DCAF8: variants seen among roughly 807,000 people sequenced by gnomAD.
DCAF8 encodes the protein DDB1 and CUL4 associated factor 8.
A neutral mutation model predicts 68.0 loss-of-function variants in DCAF8; 20 were observed. The ratio of observed to expected loss-of-function variants is 0.29; its 90% CI spans 0.21 to 0.43. DCAF8 has a LOEUF of 0.43. Ranked by LOEUF, DCAF8 falls within the 20% of genes least tolerant of loss-of-function variation. The pLI, the probability that DCAF8 is intolerant of heterozygous loss-of-function variation, is 1.00. For synonymous variants in DCAF8, 230 were observed against 276.9 expected (o/e 0.83, Z 1.68); for missense variants, 460 against 771.0 (o/e 0.60, Z 4.78).
intron 11 of DCAF8, chr1:160,219,764 A>G (rs1436644155): frequency 6.8e-6 from 1 of 147,488 alleles, no homozygotes. Flanking sequence ...AAGGCACCCA[A>G]TGCCCCCTGC....
intron 3 of DCAF8, among the ~76,000 whole-genome samples, chr1:160,242,465 T>C (rs1049541009): frequency 1.3e-5 from 2 of 152,126 alleles, no homozygotes; most frequent in Non-Finnish European, 2.9e-5. Flanking sequence ...CTAACAGGTC[T>C]GTAGAAAAGA....
rs1655457873 is a variant in DCAF8 at position 160,225,934 on chromosome 1, CA to C, written c.1071-272del. 2.6e-5 allele frequency among the ~76,000 whole-genome samples: 4 copies of C among 152,296 alleles called. No homozygotes were observed. The South Asian group carries it at 8.3e-4, about 32-fold the overall frequency. On this transcript the variant is annotated intron_variant, in intron 7 of 13. Transcript: ENST00000368074. ...CCCCGGCTCACTGCAACCTCCGCCT[CA>C]TGGGTTCAAGCAATTCTCTTGCCTC...
At chr1:160,255,969 T>C (rs1311994837) in intron 2 of DCAF8, among the ~76,000 whole-genome samples, 1 of 150,236 alleles carries the variant, frequency 6.7e-6, no homozygotes, top group Non-Finnish European at 1.5e-5. Flanking sequence ...AGGAATGCAC[T>C]CTAACCCTTA....
At chr1:160,235,471 A>C (rs1393851750) in intron 6 of DCAF8, among the ~76,000 whole-genome samples, 2 of 151,960 alleles carry the variant, frequency 1.3e-5, no homozygotes, top group African/African-American at 4.9e-5. Flanking sequence ...CGATCTAGAT[A>C]TCTATCAATA....
At chr1:160,250,706 G>A (rs1024253901) in intron 2 of DCAF8, among the ~76,000 whole-genome samples, 1 of 152,064 alleles carries the variant, frequency 6.6e-6, no homozygotes, top group African/African-American at 2.4e-5. Flanking sequence ...ATTTATCAGC[G>A]ACCATATTAA....
Position 160,225,074 on chromosome 1 carries a change from G to A in DCAF8, c.1189C>T (p.His397Tyr). 6.2e-7 allele frequency: 1 copy of A among 1,614,186 alleles called. No individual in the cohort carries two copies. The highest frequency in any genetic ancestry group is 1.1e-5 in the South Asian group (1 of 91,086). The change falls in exon 9 of 14, where the codon CAC (histidine) becomes TAC (tyrosine). Residue 397 changes from histidine (H) to tyrosine (Y), a missense_variant. Physicochemically the swap from His to Tyr is moderately conservative, Grantham distance 83. This residue lies in a region of DCAF8 where 4 missense variants were observed against 26.6 expected (regional missense o/e 0.15). Transcript: ENST00000368074. The stretch of plus-strand genomic sequence containing the variant: ...CCTGCTCACGTACCTGTGCCGTCGT[G>A]GCTGTACACAAGACAGGTGATGTTT... ...KANITCLVYS[H>Y]DGTELLASYN... is the part of the protein sequence containing the mutation.
intron 12 of DCAF8, 151 bp downstream of exon 12, chr1:160,218,698 T>C (rs567049153): frequency 2.5e-6 from 3 of 1,222,666 alleles, no homozygotes; most frequent in East Asian, 2.4e-5. Flanking sequence ...AGCAGGACTA[T>C]TCCTACAGAG....
intron 2 of DCAF8, among the ~76,000 whole-genome samples, chr1:160,255,502 G>A (rs1397896687): frequency 1.3e-5 from 2 of 152,198 alleles, no homozygotes; most frequent in African/African-American, 2.4e-5. Flanking sequence ...CATGGATAAT[G>A]ATGAGGATTC....
Position 160,244,168 on chromosome 1 carries a change from G to A in DCAF8, c.-26-134C>T. 3 of 641,546 alleles carry A rather than the reference G, an allele frequency of 4.7e-6. No individual in the cohort carries two copies. The South Asian group carries it at 6.2e-5, about 13-fold the overall frequency. 39.7% of individuals were successfully genotyped at this position (641,546 alleles called of 1,614,324 possible). A position where few individuals can be genotyped will look rare whatever the true frequency, so the allele number is the denominator to read the frequency against. On this transcript the variant is annotated intron_variant, in intron 2 of 13. Coordinates refer to ENST00000368074, the MANE Select transcript of DCAF8 (RefSeq NM_015726.4). ...ATGATTTGTGTATGCATGCTTAACAGGTCTTCTCAGCTTGTGAAATTTTTT... is the reference window on the plus strand; with the variant it reads ...ATGATTTGTGTATGCATGCTTAACAAGTCTTCTCAGCTTGTGAAATTTTTT...
chr1:160,237,279 G>T, intron 5 of DCAF8, 50 bp from the exon 6 acceptor site: 8 of 1,285,926 alleles, frequency 6.2e-6, no homozygotes, highest in Non-Finnish European at 7.7e-6. Context: ...TAGAATTAGA[G>T]GTCATCTAGT....
intron 13 of DCAF8, 133 bp from the exon 14 acceptor site, chr1:160,217,841 C>T (rs576871372): frequency 3.3e-5 from 22 of 664,010 alleles, no homozygotes; most frequent in Non-Finnish European, 5.0e-5. Flanking sequence ...AGAGTAAATA[C>T]TTTAGACTTG....
At chr1:160,233,783 A>C (rs953028220) in intron 6 of DCAF8, among the ~76,000 whole-genome samples, 18 of 152,226 alleles carry the variant, frequency 1.2e-4, no homozygotes, top group African/African-American at 3.9e-4. Context: ...GCCTCAACTT[A>C]ATCCCATAAA....
intron 6 of DCAF8, among the ~76,000 whole-genome samples, chr1:160,232,291 G>A (rs1349360351): frequency 6.6e-6 from 1 of 151,886 alleles, no homozygotes; most frequent in East Asian, 1.9e-4. Flanking sequence ...AGGAACACTT[G>A]AGGCTAGGAG....
chr1:160,234,189 G>T (rs1655790498), intron 6 of DCAF8, among the ~76,000 whole-genome samples: 1 of 147,720 alleles, frequency 6.8e-6, no homozygotes, highest in Non-Finnish European at 1.5e-5. Context: ...AAATGCCTCT[G>T]ACAAGATCAT....
At chr1:160,246,933 A>C (rs1656363435) in intron 2 of DCAF8, among the ~76,000 whole-genome samples, 2 of 152,200 alleles carry the variant, frequency 1.3e-5, no homozygotes, top group South Asian at 4.1e-4. Context: ...CTCTCCAGGC[A>C]GGACGACAGA....
At chr1:160,239,219 A>G in intron 4 of DCAF8, 1 of 1,112,814 alleles carries the variant, frequency 9.0e-7, no homozygotes, top group Non-Finnish European at 1.1e-6. Context: ...CAACAGTATA[A>G]GCTAACATTT....
Position 160,216,013 on chromosome 1 carries a change from G to A in DCAF8, c.*1579C>T, listed in dbSNP as rs1265923929. ...TACAGAATTCTTGGTTGGATCTTGT[G>A]GAACTGGGGGCAAAAAAATAGCAGC... On this transcript the variant is annotated 3_prime_UTR_variant, in exon 14 of 14. Transcript: ENST00000368074. 1 of 152,122 alleles carries A rather than the reference G, an allele frequency of 6.6e-6. No individual in the cohort carries two copies. Among genetic ancestry groups the A allele is most frequent in the Non-Finnish European group, 1.5e-5 (1 of 68,038 alleles). 9.4% of individuals were successfully genotyped at this position (152,122 alleles called of 1,614,324 possible).
rs554614227 is a variant in DCAF8, at chr1:160,230,838, G to C, written c.1070+459C>G. ...ACAATCTTGGCTCATTGCAACCTCT[G>C]ACTCCTGAGCTCAAGTGATCCTCCT... On this transcript the variant is annotated intron_variant, in intron 7 of 13. Coordinates refer to ENST00000368074, the MANE Select transcript of DCAF8 (RefSeq NM_015726.4). 2.9e-3 allele frequency among the ~76,000 whole-genome samples: 438 copies of C among 152,142 alleles called. 1 individual carries two copies. Among genetic ancestry groups the C allele is most frequent in the African/African-American group, 1.0e-2 (414 of 41,492 alleles).
intron 11 of DCAF8, among the ~76,000 whole-genome samples, chr1:160,222,105 TCAA>T (rs1041149944): frequency 3.9e-5 from 6 of 152,246 alleles, no homozygotes; most frequent in African/African-American, 1.4e-4. Flanking sequence ...CCTAAATACT[TCAA>T]CATGTATCTC....
Sources: allele counts gnomAD v4.1 joint callset (sites outside exome capture counted in the v4.1 genomes callset), GRCh38; gene constraint gnomAD v4.1.1; regional missense constraint gnomAD v4.1.1; transcripts MANE v1.5; gene names NCBI Gene and HGNC (gene_info 2026-07-23, HGNC 2026-07-21).